The following THADA variants were observed in gnomAD, a reference collection of about 807,000 sequenced individuals.
THADA encodes tRNA (32-2'-O)-methyltransferase regulator THADA.
Under a neutral mutation model 219.8 loss-of-function variants are expected in THADA, and 213 were observed. The observed-to-expected ratio is 0.97, with a 90% CI of 0.87 to 1.09. The LOEUF (loss-of-function observed/expected upper bound fraction) is 1.09. Ranked by LOEUF, THADA falls within the 50% of genes least tolerant of loss-of-function variation. The pLI, the probability that THADA is intolerant of heterozygous loss-of-function variation, is 0.00. For synonymous variants in THADA, 1,018 were observed against 828.9 expected (o/e 1.23, Z -3.92); for missense variants, 2,956 against 2,311.3 (o/e 1.28, Z -5.72).
intron 29 of THADA, among the ~76,000 whole-genome samples, chr2:43,358,485 T>C (rs149958578): frequency 2.0e-5 from 3 of 152,314 alleles, no homozygotes; most frequent in East Asian, 1.9e-4. Flanking sequence ...ATGGGGGAGA[T>C]AGGTGGCAGC....
chr2:43,330,292 T>C (rs1041121693), intron 30 of THADA, among the ~76,000 whole-genome samples: 7 of 152,122 alleles, frequency 4.6e-5, no homozygotes, highest in Non-Finnish European at 2.9e-5. Context: ...TGGGAAGGTG[T>C]TATTCCCAGA....
At chr2:43,492,428 G>C (rs1687758550) in intron 25 of THADA, 1 of 151,924 alleles carries the variant, frequency 6.6e-6, no homozygotes, top group Admixed American at 6.6e-5. Context: ...TATGTATATA[G>C]CTTTTCTTAT....
intron 26 of THADA, among the ~76,000 whole-genome samples, chr2:43,481,048 G>T (rs1226913176): frequency 6.6e-6 from 1 of 152,128 alleles, no homozygotes; most frequent in African/African-American, 2.4e-5. Flanking sequence ...AATAGCGTGG[G>T]TAACCACAGA....
At chr2:43,515,053 A>T (rs1486245177) in intron 22 of THADA, among the ~76,000 whole-genome samples, 1 of 34,072 alleles carries the variant, frequency 2.9e-5, no homozygotes, top group Non-Finnish European at 4.9e-5. Context: ...TATATATTTT[A>T]TATATAATAT....
chr2:43,259,205 G>A (rs1006533486), intron 36 of THADA, among the ~76,000 whole-genome samples: 8 of 152,224 alleles, frequency 5.3e-5, no homozygotes, highest in Admixed American at 2.6e-4. Flanking sequence ...GACCCAAAGT[G>A]ATACTGATAG....
At chr2:43,259,930 T>C (rs1670748215) in intron 36 of THADA, among the ~76,000 whole-genome samples, 1 of 152,226 alleles carries the variant, frequency 6.6e-6, no homozygotes, top group South Asian at 2.1e-4. Flanking sequence ...CAATTTATAG[T>C]TCCACCTGGT....
chr2:43,235,755 A>G (rs1384108815), intron 36 of THADA, among the ~76,000 whole-genome samples: 1 of 152,120 alleles, frequency 6.6e-6, no homozygotes, highest in Non-Finnish European at 1.5e-5. Context: ...CCACCAAGGA[A>G]GGCTAGGCTG....
At chr2:43,386,989 A>C (rs1352214341) in intron 29 of THADA, among the ~76,000 whole-genome samples, 2 of 152,040 alleles carry the variant, frequency 1.3e-5, no homozygotes, top group Non-Finnish European at 2.9e-5. Context: ...TGAGGTCTGA[A>C]TCTGGGAATA....
chr2:43,506,336 A>C (rs1689662114), intron 23 of THADA, among the ~76,000 whole-genome samples: 1 of 152,210 alleles, frequency 6.6e-6, no homozygotes, highest in African/African-American at 2.4e-5. Flanking sequence ...CTTTGTATCT[A>C]ACACTTTGCC....
intron 11 of THADA, 22 bp from the exon 12 acceptor site, chr2:43,573,014 C>A (rs1416064097): frequency 3.1e-6 from 5 of 1,606,452 alleles, no homozygotes; most frequent in Non-Finnish European, 3.4e-6. Flanking sequence ...ATAACAAAGA[C>A]CATTACTGTA....
chr2:43,356,813 T>G (rs1668914171), intron 29 of THADA, among the ~76,000 whole-genome samples: 1 of 152,218 alleles, frequency 6.6e-6, no homozygotes, highest in South Asian at 2.1e-4. Flanking sequence ...TAACCACAAT[T>G]ACTCACTAAT....
chr2:43,368,999 T>C (rs189168839), intron 29 of THADA, among the ~76,000 whole-genome samples: 1 of 152,354 alleles, frequency 6.6e-6, no homozygotes, highest in Non-Finnish European at 1.5e-5. Context: ...GAGGATGTCA[T>C]GAGGCCCAAG....
chr2:43,457,391 C>T (rs372445874), intron 26 of THADA, among the ~76,000 whole-genome samples: 1 of 152,018 alleles, frequency 6.6e-6, no homozygotes, highest in Non-Finnish European at 1.5e-5. Context: ...AAAAGGAAAC[C>T]GTATTTCTCA....
chr2:43,579,946 CT>C (rs1176620435), intron 8 of THADA, among the ~76,000 whole-genome samples: 1 of 151,412 alleles, frequency 6.6e-6, no homozygotes, highest in Admixed American at 6.6e-5. Context: ...AAACACTTTA[CT>C]GATTATGAAG....
chr2:43,397,509 G>C (rs1674226927), intron 29 of THADA, among the ~76,000 whole-genome samples: 2 of 152,012 alleles, frequency 1.3e-5, no homozygotes, highest in African/African-American at 2.4e-5. Flanking sequence ...AAACAGGAAA[G>C]GTTCAATACT....
intron 26 of THADA, among the ~76,000 whole-genome samples, chr2:43,440,756 A>C (rs901474573): frequency 3.3e-5 from 5 of 152,200 alleles, no homozygotes; most frequent in Non-Finnish European, 5.9e-5. Context: ...AAACACACGT[A>C]ATCTCACTTA....
intron 8 of THADA, among the ~76,000 whole-genome samples, chr2:43,580,494 T>C (rs1700318200): frequency 6.7e-6 from 1 of 150,208 alleles, no homozygotes; most frequent in Non-Finnish European, 1.5e-5. Context: ...CTACTTTCCT[T>C]TCCTTTTAAT....
chr2:43,433,606 T>C (rs1010024868), intron 26 of THADA, among the ~76,000 whole-genome samples: 1 of 152,170 alleles, frequency 6.6e-6, no homozygotes, highest in Admixed American at 6.5e-5. Flanking sequence ...AAAGATGACA[T>C]TCTCCCCAAA....
At chr2:43,255,958 C>A (rs1361409184) in intron 36 of THADA, among the ~76,000 whole-genome samples, 1 of 152,190 alleles carries the variant, frequency 6.6e-6, no homozygotes, top group East Asian at 1.9e-4. Context: ...CAAGAAGACA[C>A]CTCAGCTCGG....
Sources: allele counts gnomAD v4.1 joint callset (sites outside exome capture counted in the v4.1 genomes callset), GRCh38; gene constraint gnomAD v4.1.1; transcripts MANE v1.5; gene names NCBI Gene and HGNC (gene_info 2026-07-23, HGNC 2026-07-21).